Variants in CSMD1 observed in about 807,000 individuals in gnomAD.
CSMD1 encodes the protein CUB and sushi domain-containing protein 1.
Under a neutral mutation model 417.5 loss-of-function variants are expected in CSMD1, and 213 were observed. That is an observed-to-expected ratio of 0.51 (90% CI 0.46 to 0.57). The LOEUF (loss-of-function observed/expected upper bound fraction) is 0.57. CSMD1 is among the 20% of genes least tolerant of loss of function. The probability of loss-of-function intolerance (pLI) is 0.00; values close to 1 mark genes in which losing one functional copy is unlikely to be tolerated. For missense variants in CSMD1, 6,923 were observed against 4,529.7 expected (o/e 1.53, Z -15.17); for synonymous variants, 2,862 against 1,736.8 (o/e 1.65, Z -16.11).
At chr8:4,406,365 G>A (rs1176164303) in intron 3 of CSMD1, among the ~76,000 whole-genome samples, 1 of 152,022 alleles carries the variant, frequency 6.6e-6, no homozygotes, top group Admixed American at 6.6e-5. Flanking sequence ...AAAGAGAGAT[G>A]ACAATTAGAT....
chr8:3,193,833 T>C (rs1171143334), intron 33 of CSMD1, among the ~76,000 whole-genome samples: 2 of 152,194 alleles, frequency 1.3e-5, no homozygotes, highest in Non-Finnish European at 2.9e-5. Flanking sequence ...CGGAAGCATG[T>C]TGTGACAGGT....
chr8:3,447,277 A>C (rs995993096), intron 12 of CSMD1, among the ~76,000 whole-genome samples: 52 of 152,212 alleles, frequency 3.4e-4, no homozygotes, highest in Non-Finnish European at 6.9e-4. Flanking sequence ...ACACAATTTC[A>C]ATAGAATTAA....
chr8:3,724,534 G>C (rs1054875687), intron 6 of CSMD1, among the ~76,000 whole-genome samples: 5 of 152,016 alleles, frequency 3.3e-5, no homozygotes, highest in African/African-American at 1.2e-4. Flanking sequence ...ATTTTCAAAA[G>C]GGTCCTAAGG....
At chr8:3,655,867 T>C (rs904615213) in intron 7 of CSMD1, among the ~76,000 whole-genome samples, 1 of 152,122 alleles carries the variant, frequency 6.6e-6, no homozygotes, top group Non-Finnish European at 1.5e-5. Flanking sequence ...TCAGACTTCA[T>C]CTTTGGAAAG....
In CSMD1 at chr8:3,244,833, G is replaced by T. The variant is rs138266129; in HGVS notation, c.4154-14602C>A. On this transcript the variant is annotated intron_variant, in intron 26 of 69. Coordinates refer to ENST00000635120, the MANE Select transcript of CSMD1 (RefSeq NM_033225.6). Reference sequence around the variant, plus strand: ...CAGATGGGTGCGGGATCCGTCTTCAGCAGGGACACTGCTTGGCAGCAAGCA... The same window carrying T: ...CAGATGGGTGCGGGATCCGTCTTCATCAGGGACACTGCTTGGCAGCAAGCA... Among the ~76,000 whole-genome samples, 119 of 152,340 alleles carry T rather than the reference G, an allele frequency of 7.8e-4. 1 individual carries two copies. In the East Asian group the frequency reaches 0.014, roughly 17 times the overall value.
At chr8:3,728,951 G>C (rs191099311) in intron 6 of CSMD1, among the ~76,000 whole-genome samples, 1 of 152,166 alleles carries the variant, frequency 6.6e-6, no homozygotes, top group African/African-American at 2.4e-5. Context: ...ATGCAAATGA[G>C]TGCCGTTCGA....
At chr8:4,429,910 G>A (rs892235461) in intron 2 of CSMD1, among the ~76,000 whole-genome samples, 1 of 152,086 alleles carries the variant, frequency 6.6e-6, no homozygotes. Context: ...AAGACTTGGG[G>A]ATTCAATCAG....
intron 3 of CSMD1, among the ~76,000 whole-genome samples, chr8:4,096,611 C>A (rs1360347046): frequency 2.0e-5 from 3 of 152,054 alleles, no homozygotes; most frequent in Admixed American, 2.0e-4. Context: ...GTAATCTGAT[C>A]AATTACAATG....
chr8:4,085,554 C>A (rs1365738071), intron 3 of CSMD1, among the ~76,000 whole-genome samples: 1 of 152,186 alleles, frequency 6.6e-6, no homozygotes, highest in East Asian at 1.9e-4. Context: ...ATAAGCTGGA[C>A]AAGCCTAGGA....
rs557132056 is a variant in CSMD1 at position 4,744,808 on chromosome 8, AAAAACAT to A, written c.86-107257_86-107251del. Reference sequence around the variant, plus strand: ...TTTCTTCATTAACTTCCAAGGAGTAAAAAACATAAAACACCCATAAGAAAGTATGTTT... The same window carrying A: ...TTTCTTCATTAACTTCCAAGGAGTAAAAAACACCCATAAGAAAGTATGTTT... On this transcript the variant is annotated intron_variant, in intron 1 of 69. Coordinates refer to ENST00000635120, the MANE Select transcript of CSMD1 (RefSeq NM_033225.6). 4.2e-4 allele frequency among the ~76,000 whole-genome samples: 64 copies of A among 152,296 alleles called. 1 individual carries two copies. In the East Asian group the frequency reaches 0.012, roughly 28 times the overall value.
At chr8:4,671,161 G>T (rs1304663868) in intron 1 of CSMD1, among the ~76,000 whole-genome samples, 1 of 152,164 alleles carries the variant, frequency 6.6e-6, no homozygotes, top group East Asian at 1.9e-4. Flanking sequence ...CATGATTTAT[G>T]TACCTATGAT....
chr8:4,016,830 G>A (rs967177860), intron 4 of CSMD1, among the ~76,000 whole-genome samples: 4 of 152,296 alleles, frequency 2.6e-5, no homozygotes, highest in South Asian at 2.1e-4. Flanking sequence ...GAGGTTGTTG[G>A]AAGTCATGTC....
intron 41 of CSMD1, among the ~76,000 whole-genome samples, chr8:3,139,598 T>C (rs1263758736): frequency 1.3e-5 from 2 of 152,084 alleles, no homozygotes; most frequent in African/African-American, 2.4e-5. Flanking sequence ...GGTGTAGAAA[T>C]TGAGAATGTT....
intron 23 of CSMD1, among the ~76,000 whole-genome samples, chr8:3,331,278 C>G (rs931789697): frequency 4.0e-5 from 6 of 151,480 alleles, no homozygotes; most frequent in African/African-American, 1.2e-4. Context: ...TATTTAGATT[C>G]TGATTTCAGA....
chr8:3,715,895 C>G (rs567883668), intron 6 of CSMD1, among the ~76,000 whole-genome samples: 1 of 152,172 alleles, frequency 6.6e-6, no homozygotes, highest in Admixed American at 6.5e-5. Flanking sequence ...GGAATCTTTC[C>G]CTCCACATTC....
At position 4,079,919 on chromosome 8, in the gene CSMD1, C is replaced by T. The variant is rs191370218; in HGVS notation, c.416-47820G>A. Among the ~76,000 whole-genome samples, 420 of 151,942 alleles carry T rather than the reference C, an allele frequency of 2.8e-3. 1 individual carries two copies. Among genetic ancestry groups the T allele is most frequent in the African/African-American group, 9.6e-3 (399 of 41,438 alleles). ...GGGCCATATTCTTGCCTTTCCACCCCTTTTCTCAGTGTCTTCTCATGGAGT... is the reference window on the plus strand; with the variant it reads ...GGGCCATATTCTTGCCTTTCCACCCTTTTTCTCAGTGTCTTCTCATGGAGT... On this transcript the variant is annotated intron_variant, in intron 3 of 69. Transcript: ENST00000635120.
intron 3 of CSMD1, among the ~76,000 whole-genome samples, chr8:4,293,121 C>A (rs551448213): frequency 6.6e-6 from 1 of 152,270 alleles, no homozygotes; most frequent in African/African-American, 2.4e-5. Flanking sequence ...CTACCAGCAT[C>A]GCCCTCTCAG....
rs575019673 is a variant in CSMD1, at chr8:4,283,264, T to G, written c.415+136689A>C. Among the ~76,000 whole-genome samples, 12 of 152,330 alleles carry G rather than the reference T, an allele frequency of 7.9e-5. No individual in the cohort carries two copies. The South Asian group carries it at 2.5e-3, about 32-fold the overall frequency. ...TTTGCAAACAGTTTAGATGAAGACTTTTAATGCACATTTTCCATCTGTGAC... is the reference window on the plus strand; with the variant it reads ...TTTGCAAACAGTTTAGATGAAGACTGTTAATGCACATTTTCCATCTGTGAC... On this transcript the variant is annotated intron_variant, in intron 3 of 69. Transcript: ENST00000635120.
At position 3,406,159 on chromosome 8, in the gene CSMD1, T is replaced by C; in HGVS notation, c.2134A>G (p.Arg712Gly). Reference sequence around the variant, plus strand: ...GAAACCGAGCTCCCGAGTAGAAACCTGTCACCAAAACGTCGTCCGTTTATA... The same window carrying C: ...GAAACCGAGCTCCCGAGTAGAAACCCGTCACCAAAACGTCGTCCGTTTATA... ...IPINGRRFGDRFLLGSSVSFH... is the reference protein window; with the variant it reads ...IPINGRRFGDGFLLGSSVSFH... The change falls in exon 15 of 70, where the codon AGG becomes GGG. Residue 712 changes from arginine (R) to glycine (G), a missense_variant. By Grantham distance (125) the Arg-to-Gly change is moderately radical. Coordinates refer to ENST00000635120, the MANE Select transcript of CSMD1 (RefSeq NM_033225.6). 6.2e-7 allele frequency: 1 copy of C among 1,613,552 alleles called. No individual in the cohort carries two copies. Among genetic ancestry groups the C allele is most frequent in the Non-Finnish European group, 8.5e-7 (1 of 1,179,740 alleles).
Sources: allele counts gnomAD v4.1 joint callset (sites outside exome capture counted in the v4.1 genomes callset), GRCh38; gene constraint gnomAD v4.1.1; transcripts MANE v1.5; gene names NCBI Gene and HGNC (gene_info 2026-07-23, HGNC 2026-07-21).